Variants in CFHR3 observed in about 807,000 individuals in gnomAD.
CFHR3 encodes the protein complement factor H related 3.
Under a neutral mutation model 36.0 loss-of-function variants are expected in CFHR3, and 22 were observed. That is an observed-to-expected ratio of 0.61 (90% CI 0.44 to 0.87). CFHR3 has a LOEUF of 0.87. Among genes scored for constraint, CFHR3 ranks in the 40% least tolerant of loss-of-function variants. The pLI, the probability that CFHR3 is intolerant of heterozygous loss-of-function variation, is 0.00. For synonymous variants in CFHR3, 97 were observed against 137.4 expected, an observed-to-expected ratio of 0.71 and a Z score of 2.06; for missense variants, 276 against 401.3, an observed-to-expected ratio of 0.69 and a Z score of 2.67.
chr1:196,793,642 A>C lies in CFHR3; in HGVS notation c.*129A>C. 3 of 914,750 alleles carry C rather than the reference A, an allele frequency of 3.3e-6. 1 individual carries two copies. Among genetic ancestry groups the C allele is most frequent in the South Asian group, 3.8e-5 (2 of 52,736 alleles). The allele number at this position is 914,750 out of a possible 1,614,324, so 56.7% of individuals were successfully genotyped here. On this transcript the variant is annotated 3_prime_UTR_variant, in exon 6 of 6. Transcript: ENST00000367425. Reference sequence around the variant, plus strand: ...CTACTTTATTTCAAAGAAAATTAATATAATAGTTTCAATTTGCAACTTAAT... The same window carrying C: ...CTACTTTATTTCAAAGAAAATTAATCTAATAGTTTCAATTTGCAACTTAAT...
intron 1 of CFHR3, among the ~76,000 whole-genome samples, chr1:196,775,472 C>G (rs1359168838): frequency 4.4e-5 from 6 of 136,588 alleles, no homozygotes; most frequent in African/African-American, 1.8e-4. Flanking sequence ...CTTACTACGT[C>G]AACAAAATTA....
intron 1 of CFHR3, among the ~76,000 whole-genome samples, chr1:196,778,153 C>G (rs1164815397): frequency 7.4e-6 from 1 of 135,292 alleles, no homozygotes; most frequent in Non-Finnish European, 1.6e-5. Flanking sequence ...AGGAGACACT[C>G]AGCAGAAAAC....
At position 196,788,317 on chromosome 1, in the gene CFHR3, G is replaced by T; in HGVS notation, c.532G>T (p.Gly178Ter). The change falls in exon 4 of 6, where the codon GGA becomes TGA. Residue 178 changes from glycine to a stop codon, truncating the protein, a stop_gained. Coordinates refer to ENST00000367425, the MANE Select transcript of CFHR3 (RefSeq NM_021023.6). LOFTEE classifies it high-confidence loss of function. Reference protein sequence around the residue: ...NKEIQYKCKPGYATADGNSSG... With the variant: ...NKEIQYKCKP ...AGAAATACAATATAAATGTAAACCAGGATATGCAACAGCAGATGGAAATTC... is the reference window on the plus strand; with the variant it reads ...AGAAATACAATATAAATGTAAACCATGATATGCAACAGCAGATGGAAATTC... The T allele has an allele frequency of 6.6e-7, 1 of 1,526,020 alleles. No homozygotes were observed. The allele number at this position is 1,526,020 out of a possible 1,614,324, so 94.5% of individuals were successfully genotyped here.
chr1:196,775,287 T>C (rs1352218981), intron 1 of CFHR3, among the ~76,000 whole-genome samples: 1 of 137,082 alleles, frequency 7.3e-6, no homozygotes. Context: ...AGAATTTTCC[T>C]ATACGTAATA....
At chr1:196,782,276 G>T (rs190941946) in intron 3 of CFHR3, among the ~76,000 whole-genome samples, 1 of 136,862 alleles carries the variant, frequency 7.3e-6, no homozygotes, top group Admixed American at 7.0e-5. Context: ...GGATTGACTT[G>T]GTGATGCGGG....
intron 3 of CFHR3, among the ~76,000 whole-genome samples, chr1:196,786,669 T>C (rs1654218083): frequency 7.3e-6 from 1 of 136,800 alleles, no homozygotes; most frequent in Admixed American, 7.0e-5. Context: ...AGCGCAGTAT[T>C]AGGGTGGGAG....
At chr1:196,778,222 C>T (rs1237198428) in intron 1 of CFHR3, among the ~76,000 whole-genome samples, 1 of 134,662 alleles carries the variant, frequency 7.4e-6, no homozygotes, top group Non-Finnish European at 1.6e-5. Context: ...CCCAACAAGC[C>T]TCTGGAGCCA....
At chr1:196,782,787 C>T (rs1413022624) in intron 3 of CFHR3, among the ~76,000 whole-genome samples, 1 of 136,706 alleles carries the variant, frequency 7.3e-6, no homozygotes, top group Non-Finnish European at 1.6e-5. Flanking sequence ...TAATTGAATA[C>T]CCTTTATTTC....
At chr1:196,785,017 A>G (rs1246458907) in intron 3 of CFHR3, among the ~76,000 whole-genome samples, 1 of 135,940 alleles carries the variant, frequency 7.4e-6, no homozygotes, top group Admixed American at 7.0e-5. Flanking sequence ...AAAATCTCTC[A>G]GCATTTGCTT....
At chr1:196,789,537 A>T in intron 4 of CFHR3, 1 of 974,870 alleles carries the variant, frequency 1.0e-6, no homozygotes, top group Non-Finnish European at 1.3e-6. Flanking sequence ...TATCCAATTA[A>T]TATAATTTTT....
At chr1:196,788,658 G>A in intron 4 of CFHR3, 1 of 1,438,360 alleles carries the variant, frequency 7.0e-7, no homozygotes, top group Non-Finnish European at 9.2e-7. Context: ...GACTAGTTAG[G>A]GAGCTGCATG....
chr1:196,789,835 CAT>C lies in CFHR3; in HGVS notation c.614-207_614-206del, dbSNP rs1344693524. The C allele has an allele frequency of 3.5e-5, 39 of 1,117,964 alleles. 7 individuals are homozygous for C. Among genetic ancestry groups the C allele is most frequent in the South Asian group, 3.1e-4 (15 of 47,774 alleles). The allele number at this position is 1,117,964 out of a possible 1,614,324, so 69.3% of individuals were successfully genotyped here. Reference sequence around the variant, plus strand: ...AGACACCTACATATGTATATGTACACATATGTGTGTACATATATGTACATATA... The same window carrying C: ...AGACACCTACATATGTATATGTACACATGTGTGTACATATATGTACATATA... On this transcript the variant is annotated intron_variant, in intron 4 of 5. Coordinates refer to ENST00000367425, the MANE Select transcript of CFHR3 (RefSeq NM_021023.6).
intron 3 of CFHR3, among the ~76,000 whole-genome samples, chr1:196,782,240 G>A (rs1403229542): frequency 7.3e-6 from 1 of 137,040 alleles, no homozygotes; most frequent in Non-Finnish European, 1.5e-5. Context: ...GTAGTGTGAT[G>A]CCTCCAGCTT....
chr1:196,777,280 C>T (rs1653758819), intron 1 of CFHR3, among the ~76,000 whole-genome samples: 1 of 137,018 alleles, frequency 7.3e-6, no homozygotes, highest in Admixed American at 7.0e-5. Context: ...TATTTTTAAT[C>T]ATGAATATCC....
intron 3 of CFHR3, among the ~76,000 whole-genome samples, chr1:196,784,243 TTGGTG>T (rs1190003612): frequency 7.3e-6 from 1 of 136,672 alleles, no homozygotes; most frequent in East Asian, 2.0e-4. Flanking sequence ...AATTTTGGAA[TTGGTG>T]TGGTGTGGTG....
chr1:196,792,427 G>C (rs1220493407), intron 5 of CFHR3, among the ~76,000 whole-genome samples: 1 of 110,420 alleles, frequency 9.1e-6, no homozygotes, highest in Non-Finnish European at 1.7e-5. Context: ...GTAAGTACTA[G>C]GCTTAATACC....
intron 2 of CFHR3, 143 bp downstream of exon 2, chr1:196,779,499 C>CTA: frequency 1.3e-6 from 1 of 776,668 alleles, no homozygotes; most frequent in Non-Finnish European, 2.0e-6. Context: ...CAAAATAGAT[C>CTA]TTTTCTATTA....
At chr1:196,789,318 T>C in intron 4 of CFHR3, 1 of 876,268 alleles carries the variant, frequency 1.1e-6, no homozygotes, top group Non-Finnish European at 1.4e-6. Flanking sequence ...AAGATACACT[T>C]ACAAAGTGAT....
At chr1:196,780,774 T>C (rs1558197553) in intron 3 of CFHR3, among the ~76,000 whole-genome samples, 1 of 135,486 alleles carries the variant, frequency 7.4e-6, no homozygotes, top group South Asian at 2.6e-4. Flanking sequence ...TCTTTTTTCA[T>C]GATGAATGTT....
Sources: gnomAD v4.1 joint callset for allele counts (sites outside exome capture counted in the v4.1 genomes callset) on GRCh38, gnomAD v4.1.1 for gene constraint, MANE v1.5 for transcripts, NCBI Gene and HGNC (gene_info 2026-07-23, HGNC 2026-07-21) for gene names.